NCKAP5: variants seen among roughly 807,000 people sequenced by gnomAD.
The protein encoded by NCKAP5 is NCK associated protein 5, also known as nck-associated protein 5.
Under a neutral mutation model 167.0 loss-of-function variants are expected in NCKAP5, and 92 were observed. That is an observed-to-expected ratio of 0.55 (90% confidence interval 0.47 to 0.66). The LOEUF is 0.66. Ranked by LOEUF, NCKAP5 falls within the 30% of genes least tolerant of loss-of-function variation. The pLI, the probability that NCKAP5 is intolerant of heterozygous loss-of-function variation, is 0.00. For missense variants in NCKAP5, 2,378 were observed against 2,315.0 expected (o/e 1.03, Z -0.56); for synonymous variants, 891 against 877.4 (o/e 1.02, Z -0.27).
the NCKAP5 span, among the ~76,000 whole-genome samples, chr2:133,646,635 C>T: frequency 6.6e-6 from 1 of 152,018 alleles, no homozygotes; most frequent in African/African-American, 2.4e-5. Context: ...TAAGCAGCAA[C>T]ATGATAGCAT....
At chr2:133,499,012 G>C (rs891119975) in intron 3 of NCKAP5, among the ~76,000 whole-genome samples, 1 of 152,246 alleles carries the variant, frequency 6.6e-6, no homozygotes, top group African/African-American at 2.4e-5. Flanking sequence ...GCAATACTGA[G>C]TTCTAATACA....
At chr2:132,997,653 T>G (rs1349570482) in intron 6 of NCKAP5, among the ~76,000 whole-genome samples, 1 of 152,090 alleles carries the variant, frequency 6.6e-6, no homozygotes, top group Non-Finnish European at 1.5e-5. Context: ...CTACTTGACC[T>G]TATTGGTATT....
At chr2:133,481,762 T>C (rs1447380687) in intron 3 of NCKAP5, among the ~76,000 whole-genome samples, 1 of 152,162 alleles carries the variant, frequency 6.6e-6, no homozygotes, top group Non-Finnish European at 1.5e-5. Context: ...AAGGACATGA[T>C]CTCATTCTTT....
chr2:133,133,561 C>T (rs1365807352), intron 5 of NCKAP5, among the ~76,000 whole-genome samples: 1 of 152,188 alleles, frequency 6.6e-6, no homozygotes, highest in African/African-American at 2.4e-5. Context: ...TCTTCTTTCC[C>T]TTTACAGAGG....
rs751766870 is a variant in NCKAP5, at chr2:133,546,659, A to AAAAAC, written c.-62+12386_-62+12390dup. Among the ~76,000 whole-genome samples the AAAAAC allele has an allele frequency of 1.4e-3, 216 of 152,276 alleles. 2 individuals are homozygous for AAAAAC. The highest frequency in any genetic ancestry group is 4.1e-3 in the East Asian group (21 of 5,178). ...ATGCCTGTTCCCAGCACCAGCAGGC[A>AAAAAC]AAAACAAAACAAAACAAAACAAAAA... On this transcript the variant is annotated intron_variant, in intron 2 of 19. Transcript: ENST00000409261.
At chr2:133,618,235 T>G in the NCKAP5 span, among the ~76,000 whole-genome samples, 9,346 of 151,614 alleles carry the variant, frequency 0.062, 387 homozygotes, top group Non-Finnish European at 0.078. Context: ...ATTCAGGACA[T>G]AGGCATGGGC....
chr2:132,699,650 G>C (rs1573917546), intron 19 of NCKAP5, among the ~76,000 whole-genome samples: 1 of 152,246 alleles, frequency 6.6e-6, no homozygotes, highest in Admixed American at 6.5e-5. Flanking sequence ...CCCTACAAAG[G>C]ACATGAACTC....
At chr2:132,989,451 G>C (rs1429563346) in intron 7 of NCKAP5, among the ~76,000 whole-genome samples, 1 of 152,106 alleles carries the variant, frequency 6.6e-6, no homozygotes, top group African/African-American at 2.4e-5. Flanking sequence ...GACCCGGGAG[G>C]TGCTTTTCCT....
At chr2:133,529,825 C>T (rs1685214208) in intron 2 of NCKAP5, among the ~76,000 whole-genome samples, 1 of 152,204 alleles carries the variant, frequency 6.6e-6, no homozygotes, top group Middle Eastern at 3.4e-3. Flanking sequence ...GTTATCTGAA[C>T]TATTTTTCTC....
chr2:132,797,921 C>A (rs1336415059), intron 11 of NCKAP5, among the ~76,000 whole-genome samples: 1 of 152,320 alleles, frequency 6.6e-6, no homozygotes, highest in Non-Finnish European at 1.5e-5. Context: ...ATTTATACAG[C>A]ACCTCCTGAA....
chr2:133,232,447 A>G (rs2087196420), intron 4 of NCKAP5, among the ~76,000 whole-genome samples: 1 of 152,240 alleles, frequency 6.6e-6, no homozygotes, highest in East Asian at 1.9e-4. Flanking sequence ...AGACAAAGTT[A>G]GGAACTGAAA....
intron 16 of NCKAP5, among the ~76,000 whole-genome samples, chr2:132,754,006 C>T (rs1258406542): frequency 6.6e-6 from 1 of 152,218 alleles, no homozygotes; most frequent in Non-Finnish European, 1.5e-5. Context: ...ATTCTATACT[C>T]CAGCATTTCC....
At chr2:133,433,568 A>G (rs1243452030) in intron 3 of NCKAP5, 1 of 152,208 alleles carries the variant, frequency 6.6e-6, no homozygotes, top group Non-Finnish European at 1.5e-5. Context: ...GAGTTGGGCC[A>G]GTTTTACAGG....
intron 5 of NCKAP5, among the ~76,000 whole-genome samples, chr2:133,211,383 A>C (rs946296176): frequency 6.6e-6 from 1 of 151,992 alleles, no homozygotes; most frequent in African/African-American, 2.4e-5. Context: ...GGCATGCACC[A>C]CCACGCCTGG....
intron 5 of NCKAP5, among the ~76,000 whole-genome samples, chr2:133,184,332 G>A (rs988672495): frequency 1.3e-5 from 2 of 152,098 alleles, no homozygotes; most frequent in Non-Finnish European, 1.5e-5. Flanking sequence ...ATTCTACGGT[G>A]TATATGTATC....
intron 6 of NCKAP5, among the ~76,000 whole-genome samples, chr2:133,019,176 C>T (rs986212841): frequency 5.3e-5 from 8 of 152,136 alleles, no homozygotes; most frequent in African/African-American, 1.9e-4. Flanking sequence ...AGTTGCTATA[C>T]GGAGTGGCAA....
chr2:133,459,788 C>T (rs76859752), intron 3 of NCKAP5, among the ~76,000 whole-genome samples: 4,997 of 152,228 alleles, frequency 0.033, 122 homozygotes, highest in Admixed American at 0.08. Flanking sequence ...ATTACAAACA[C>T]GTAATGAGTC....
chr2:133,403,515 C>T (rs1428107033), intron 3 of NCKAP5, among the ~76,000 whole-genome samples: 1 of 152,172 alleles, frequency 6.6e-6, no homozygotes, highest in Non-Finnish European at 1.5e-5. Flanking sequence ...TAACACAAGA[C>T]TCATGGTTCA....
Position 133,384,113 on chromosome 2 carries a change from A to C in NCKAP5, c.70-81003T>G, listed in dbSNP as rs367566955. Among the ~76,000 whole-genome samples, 261 of 152,300 alleles carry C rather than the reference A, an allele frequency of 1.7e-3. 3 individuals are homozygous for C. The East Asian group carries it at 0.036, about 21-fold the overall frequency. ...TTGTTGCCATTGCTTTTGGTGTTTT[A>C]GACATGAAGTCCTTGCCCATGCCTA... On this transcript the variant is annotated intron_variant, in intron 3 of 19. Coordinates refer to ENST00000409261, the MANE Select transcript of NCKAP5 (RefSeq NM_207363.3).
Sources: gnomAD v4.1 joint callset for allele counts (sites outside exome capture counted in the v4.1 genomes callset) on GRCh38, gnomAD v4.1.1 for gene constraint, MANE v1.5 for transcripts, NCBI Gene and HGNC (gene_info 2026-07-23, HGNC 2026-07-21) for gene names.